Variants in GHR observed in about 807,000 individuals in gnomAD.
GHR encodes the protein growth hormone receptor.
GHR carries 35 observed loss-of-function variants against 67.1 expected under a neutral mutation model. That is an observed-to-expected ratio of 0.52 (90% CI 0.40 to 0.69). The LOEUF (loss-of-function observed/expected upper bound fraction) is 0.69, where lower values mean the gene tolerates loss of function less well. Among genes scored for constraint, GHR ranks in the 30% least tolerant of loss-of-function variants. The pLI, the probability that GHR is intolerant of heterozygous loss-of-function variation, is 0.00. For synonymous variants in GHR, 272 were observed against 269.1 expected, an observed-to-expected ratio of 1.01 and a Z score of -0.10; for missense variants, 792 against 764.6, an observed-to-expected ratio of 1.04 and a Z score of -0.42.
chr5:42,697,283 C>T (rs886888993), intron 5 of GHR, among the ~76,000 whole-genome samples: 1 of 152,224 alleles, frequency 6.6e-6, no homozygotes, highest in Non-Finnish European at 1.5e-5. Flanking sequence ...TCAATTCATT[C>T]AGCAAATATT....
Position 42,548,463 on chromosome 5 carries a change from A to T in GHR, c.-11-17401A>T, listed in dbSNP as rs1417009126. 3.0e-6 allele frequency: 3 copies of T among 985,004 alleles called. No homozygotes were observed. In the Admixed American group the frequency reaches 1.8e-4, roughly 61 times the overall value. The allele number at this position is 985,004 out of a possible 1,614,324, so 61.0% of individuals were successfully genotyped here. ...AAAAAGGAAATTTAAAAAGTTCTTGATATAAAGCCTGGAGGAAACAATACG... is the reference window on the plus strand; with the variant it reads ...AAAAAGGAAATTTAAAAAGTTCTTGTTATAAAGCCTGGAGGAAACAATACG... On this transcript the variant is annotated intron_variant, in intron 1 of 9. Coordinates refer to ENST00000230882, the MANE Select transcript of GHR (RefSeq NM_000163.5).
chr5:42,474,307 A>AAGAAAGAAAG (rs1745174299), intron 1 of GHR, among the ~76,000 whole-genome samples: 1 of 134,136 alleles, frequency 7.5e-6, no homozygotes, highest in South Asian at 2.4e-4. Flanking sequence ...GAAAGAAAGA[A>AAGAAAGAAAG]AGAAAGAAAG....
Position 42,565,941 on chromosome 5 carries a change from G to T in GHR, c.67G>T (p.Glu23Ter). 1 of 1,614,084 alleles carries T rather than the reference G, an allele frequency of 6.2e-7. No homozygotes were observed. The highest frequency in any genetic ancestry group is 1.1e-5 in the South Asian group (1 of 91,076). The change falls in exon 2 of 10, where the codon GAG becomes TAG. Residue 23 changes from glutamate (E) to a stop codon, truncating the protein, a stop_gained. Transcript: ENST00000230882. LOFTEE classifies it high-confidence loss of function. ...AGSSDAFSGS[E>*]ATAAILSRAP... ...ATCAAGTGATGCTTTTTCTGGAAGT[G>T]AGGGTGAGTTCTGCTTTTCCATTTC...
At chr5:42,676,014 T>C (rs1436995023) in intron 3 of GHR, among the ~76,000 whole-genome samples, 1 of 152,192 alleles carries the variant, frequency 6.6e-6, no homozygotes, top group Admixed American at 6.5e-5. Context: ...TGGCTGGGTA[T>C]GGTGGCTCAC....
intron 1 of GHR, among the ~76,000 whole-genome samples, chr5:42,440,771 G>A (rs1199020772): frequency 6.6e-6 from 1 of 152,166 alleles, no homozygotes; most frequent in Non-Finnish European, 1.5e-5. Context: ...AGATTGAAAG[G>A]AGTTAATAGA....
At chr5:42,599,771 T>A (rs1439647588) in intron 2 of GHR, among the ~76,000 whole-genome samples, 1 of 152,242 alleles carries the variant, frequency 6.6e-6, no homozygotes, top group Non-Finnish European at 1.5e-5. Flanking sequence ...GCTTCTTTTT[T>A]TTTATTGTCC....
In GHR at chr5:42,438,110, A is replaced by G. The variant is rs367553407; in HGVS notation, c.-12+14155A>G. 5.9e-5 allele frequency among the ~76,000 whole-genome samples: 9 copies of G among 152,180 alleles called. No individual in the cohort carries two copies. In the East Asian group the frequency reaches 1.7e-3, roughly 29 times the overall value. On this transcript the variant is annotated intron_variant, in intron 1 of 9. Coordinates refer to ENST00000230882, the MANE Select transcript of GHR (RefSeq NM_000163.5). ...GACACTCAATTAGTTTGCTTAAGCA[A>G]TTACTTCTGTGTAAGCAACATTAAT...
Position 42,694,939 on chromosome 5 carries a change from G to A in GHR, c.289G>A (p.Glu97Lys). The A allele has an allele frequency of 1.9e-6, 3 of 1,610,160 alleles. No individual in the cohort carries two copies. Among genetic ancestry groups the A allele is most frequent in the Non-Finnish European group, 2.5e-6 (3 of 1,177,256 alleles). Residue 97 changes from glutamate to lysine, a missense_variant, in exon 5 of 10, where the codon GAA becomes AAA. Transcript: ENST00000230882. ...TAGGAACACTCAAGAATGGACTCAAGAATGGAAAGAATGCCCTGATTATGT... is the reference window on the plus strand; with the variant it reads ...TAGGAACACTCAAGAATGGACTCAAAAATGGAAAGAATGCCCTGATTATGT... Reference protein sequence around the residue: ...TRRNTQEWTQEWKECPDYVSA... With the variant: ...TRRNTQEWTQKWKECPDYVSA...
intron 8 of GHR, among the ~76,000 whole-genome samples, chr5:42,716,841 G>T (rs184970090): frequency 8.1e-4 from 124 of 152,268 alleles, no homozygotes; most frequent in African/African-American, 3.0e-3. Flanking sequence ...TTATGGAATG[G>T]ACTGGACTGA....
intron 3 of GHR, among the ~76,000 whole-genome samples, chr5:42,666,510 T>C (rs926738868): frequency 3.9e-5 from 6 of 152,188 alleles, no homozygotes; most frequent in African/African-American, 1.4e-4. Flanking sequence ...TAATGTTGCA[T>C]TTAGGAAAAA....
intron 2 of GHR, among the ~76,000 whole-genome samples, chr5:42,577,320 A>C (rs1371126111): frequency 3.9e-5 from 6 of 152,238 alleles, no homozygotes; most frequent in Non-Finnish European, 8.8e-5. Context: ...TCTATGCCCT[A>C]GTGTATTATG....
intron 3 of GHR, among the ~76,000 whole-genome samples, chr5:42,632,796 A>G (rs1242529202): frequency 1.3e-5 from 2 of 152,232 alleles, no homozygotes; most frequent in African/African-American, 4.8e-5. Context: ...ATGTTAAGGG[A>G]GTTTACAGTT....
intron 1 of GHR, among the ~76,000 whole-genome samples, chr5:42,492,246 A>G (rs761628259): frequency 2.0e-5 from 3 of 152,220 alleles, no homozygotes; most frequent in Non-Finnish European, 2.9e-5. Context: ...AAAGCAGTAA[A>G]TCCATATAGT....
chr5:42,660,728 T>C (rs908328561), intron 3 of GHR, among the ~76,000 whole-genome samples: 1 of 152,196 alleles, frequency 6.6e-6, no homozygotes, highest in Non-Finnish European at 1.5e-5. Flanking sequence ...AGGAACGCAG[T>C]TCCTCACCAG....
chr5:42,474,869 CTTT>C (rs775591338), intron 1 of GHR, among the ~76,000 whole-genome samples: 1 of 106,672 alleles, frequency 9.4e-6, no homozygotes, highest in African/African-American at 3.4e-5. Flanking sequence ...ACATTTTTTT[CTTT>C]TTTTTTTTTT....
At chr5:42,611,025 A>G (rs772773946) in intron 2 of GHR, among the ~76,000 whole-genome samples, 4 of 152,198 alleles carry the variant, frequency 2.6e-5, no homozygotes, top group Non-Finnish European at 5.9e-5. Flanking sequence ...TTGTGCTGGA[A>G]GAATTTGAAG....
In GHR at chr5:42,498,988, T is replaced by TC. The variant is rs1746429867; in HGVS notation, c.-11-66876_-11-66875insC. Among the ~76,000 whole-genome samples the TC allele has an allele frequency of 1.3e-5, 2 of 152,198 alleles. 1 individual carries two copies. The highest frequency in any genetic ancestry group is 4.1e-4 in the South Asian group (2 of 4,826). Reference sequence around the variant, plus strand: ...TAAGATGAACTTGATAGAATAAAGATTATTGTTGTTCTCTAATCTCCTGGG... The same window carrying TC: ...TAAGATGAACTTGATAGAATAAAGATCTATTGTTGTTCTCTAATCTCCTGGG... On this transcript the variant is annotated intron_variant, in intron 1 of 9. Transcript: ENST00000230882.
intron 1 of GHR, among the ~76,000 whole-genome samples, chr5:42,459,699 C>A (rs1352083910): frequency 3.9e-5 from 6 of 152,104 alleles, no homozygotes; most frequent in Non-Finnish European, 8.8e-5. Context: ...GAGCGTGATA[C>A]CAGAACAATA....
chr5:42,481,401 G>T (rs150145282), intron 1 of GHR, among the ~76,000 whole-genome samples: 1 of 152,056 alleles, frequency 6.6e-6, no homozygotes, highest in African/African-American at 2.4e-5. Flanking sequence ...TCTTTATGGC[G>T]TTTTCTGTAT....
Sources: allele counts gnomAD v4.1 joint callset (sites outside exome capture counted in the v4.1 genomes callset), GRCh38; gene constraint gnomAD v4.1.1; transcripts MANE v1.5; gene names NCBI Gene and HGNC (gene_info 2026-07-23, HGNC 2026-07-21).